Variants in IRS1 observed in about 807,000 individuals in gnomAD.
IRS1 encodes insulin receptor substrate 1.
IRS1 carries 34 observed loss-of-function variants against 65.6 expected under a neutral mutation model. The ratio of observed to expected loss-of-function variants is 0.52; its 90% CI spans 0.39 to 0.69. IRS1 has a LOEUF of 0.69. Among genes scored for constraint, IRS1 ranks in the 30% least tolerant of loss-of-function variants. IRS1 has a pLI of 0.00. For missense variants in IRS1, 1,641 were observed against 1,720.2 expected (o/e 0.95, Z 0.81); for synonymous variants, 699 against 683.5 (o/e 1.02, Z -0.35).
Position 226,798,571 on chromosome 2 carries a change from C to G in IRS1, c.168G>C (p.Lys56Asn), listed in dbSNP as rs780154777. 3 of 1,613,848 alleles carry G rather than the reference C, an allele frequency of 1.9e-6. No individual in the cohort carries two copies. Among genetic ancestry groups the G allele is most frequent in the Non-Finnish European group, 2.5e-6 (3 of 1,180,010 alleles). The change falls in exon 1 of 2, where the codon AAG (lysine) becomes AAC (asparagine). Residue 56 changes from lysine (K) to asparagine (N), a missense_variant. By Grantham distance (94) the Lys-to-Asn change is moderately conservative (BLOSUM62 0). Coordinates refer to ENST00000305123, the MANE Select transcript of IRS1 (RefSeq NM_005544.3). The surrounding 1 kb of genome is among the most constrained non-coding windows in gnomAD (Gnocchi z 9.4). ...YYENEKKWRH[K>N]SSAPKRSIPL... ...GGATCGAGCGTTTGGGGGCGCTCGA[C>G]TTGTGCCGCCACTTCTTCTCGTTCT...
Position 226,794,802 on chromosome 2 carries a change from T to C in IRS1, c.*21+187A>G, listed in dbSNP as rs1190060280. ...GAAAAAGCCCTCCTGTGGCTGCTCC[T>C]ACATGTTTGTTTGACTCTCTGCCAG... is the stretch of plus-strand genomic sequence containing the variant. On this transcript the variant is annotated intron_variant, in intron 1 of 1. Coordinates refer to ENST00000305123, the MANE Select transcript of IRS1 (RefSeq NM_005544.3). This position sits in a 1 kb window ranked among gnomAD's most constrained non-coding sequence, Gnocchi z 4.1. 1.3e-5 allele frequency among the ~76,000 whole-genome samples: 2 copies of C among 152,212 alleles called. No individual in the cohort carries two copies. The highest frequency in any genetic ancestry group is 2.9e-5 in the Non-Finnish European group (2 of 68,042).
chr2:226,744,435 G>T (rs1247709297), intron 1 of IRS1, among the ~76,000 whole-genome samples: 3 of 152,112 alleles, frequency 2.0e-5, no homozygotes, highest in Non-Finnish European at 4.4e-5. Flanking sequence ...TCTAATAGGG[G>T]CAAGCTCAAC....
chr2:226,798,238 G>A lies in IRS1; in HGVS notation c.501C>T (p.Ile167=). ...TCTGACCCAGGCCCTTGGGCTTCAG[G>A]ATCACTTGCCAGACCTCTTTGAATG... is the stretch of plus-strand genomic sequence containing the variant. ...GPAFKEVWQV[I]LKPKGLGQTK... Residue 167 remains isoleucine (I), a synonymous_variant, in exon 1 of 2, where the codon ATC becomes ATT. Transcript: ENST00000305123. The surrounding 1 kb of genome is among the most constrained non-coding windows in gnomAD (Gnocchi z 9.4). The A allele has an allele frequency of 6.2e-7, 1 of 1,613,700 alleles. No homozygotes were observed. The highest frequency in any genetic ancestry group is 8.5e-7 in the Non-Finnish European group (1 of 1,179,986).
chr2:226,797,298 C>A lies in IRS1; in HGVS notation c.1441G>T (p.Gly481Cys). 1.2e-6 allele frequency: 2 copies of A among 1,613,466 alleles called. No homozygotes were observed. The highest frequency in any genetic ancestry group is 1.7e-6 in the Non-Finnish European group (2 of 1,179,976). Residue 481 changes from glycine to cysteine, a missense_variant, in exon 1 of 2, where the codon GGT becomes TGT. By Grantham distance (159) the Gly-to-Cys change is radical. Coordinates refer to ENST00000305123, the MANE Select transcript of IRS1 (RefSeq NM_005544.3). The surrounding 1 kb of genome is among the most constrained non-coding windows in gnomAD (Gnocchi z 8.1). ...KGPSTLTAPN[G>C]HYILSRGGNG... ...CCACCCCGAGACAAAATGTAGTGAC[C>A]GTTGGGGGCGGTCAGGGTGGAGGGC...
In IRS1 at chr2:226,787,995, T is replaced by C. The variant is rs530590533; in HGVS notation, c.*21+6994A>G. On this transcript the variant is annotated intron_variant, in intron 1 of 1. Coordinates refer to ENST00000305123, the MANE Select transcript of IRS1 (RefSeq NM_005544.3). ...TCATGACTTTCTGTGCAAAACATAA[T>C]TTGTTTGCCACATTACATATATTCA... Among the ~76,000 whole-genome samples the C allele has an allele frequency of 7.9e-5, 12 of 152,090 alleles. No homozygotes were observed. The South Asian group carries it at 1.2e-3, about 16-fold the overall frequency.
At chr2:226,766,132 TATATATATATATATATATA>T (rs1939029262) in intron 1 of IRS1, among the ~76,000 whole-genome samples, 2 of 3,174 alleles carry the variant, frequency 6.3e-4, no homozygotes, top group Non-Finnish European at 1.8e-3. Context: ...TATATATATA[TATATATATATATATATATA>T]TATATATATA....
In IRS1 at chr2:226,797,961, T is replaced by C; in HGVS notation, c.778A>G (p.Met260Val). Residue 260 changes from methionine to valine, a missense_variant, in exon 1 of 2, where the codon ATG becomes GTG. By Grantham distance (21) the Met-to-Val change is conservative (BLOSUM62 1). This residue lies in a region of IRS1 where 1,324 missense variants were observed against 1,361.0 expected (regional missense o/e 0.97). Transcript: ENST00000305123. The surrounding 1 kb of genome is among the most constrained non-coding windows in gnomAD (Gnocchi z 8.1). ...CTGCGAGGGCGGAACTCATCACTCA[T>C]GGCCCGCATGGCCTCCAGGATGGTC... ...HETILEAMRA[M>V]SDEFRPRSKS... The C allele has an allele frequency of 6.2e-7, 1 of 1,614,094 alleles. No homozygotes were observed. The highest frequency in any genetic ancestry group is 8.5e-7 in the Non-Finnish European group (1 of 1,180,002).
rs186640433 is a variant in IRS1, at chr2:226,769,881, T to C, written c.*21+25108A>G. Among the ~76,000 whole-genome samples, 14 of 152,322 alleles carry C rather than the reference T, an allele frequency of 9.2e-5. No individual in the cohort carries two copies. In the East Asian group the frequency reaches 2.3e-3, roughly 25 times the overall value. On this transcript the variant is annotated intron_variant, in intron 1 of 1. Transcript: ENST00000305123. ...TGAGACATATCAGCCATTGATCGCC[T>C]TACTGCCATATAAAGTATGGCCGTT...
chr2:226,796,659 T>A lies in IRS1; in HGVS notation c.2080A>T (p.Ser694Cys), dbSNP rs1435564972. The change falls in exon 1 of 2, where the codon AGC becomes TGC. Residue 694 changes from serine (S) to cysteine (C), a missense_variant. Transcript: ENST00000305123. ...SSSNAVPSGT[S>C]YGKLWTNGVG... ...CCGTTTGTCCACAGCTTTCCATAGC[T>A]GGTCCCGGAAGGGACGGCGTTGCTG... is the stretch of plus-strand genomic sequence containing the variant. 1.2e-6 allele frequency: 2 copies of A among 1,613,814 alleles called. No individual in the cohort carries two copies. The highest frequency in any genetic ancestry group is 1.3e-5 in the African/African-American group (1 of 74,906).
In IRS1 at chr2:226,796,041, C is replaced by G; in HGVS notation, c.2698G>C (p.Glu900Gln). 6.2e-7 allele frequency: 1 copy of G among 1,614,148 alleles called. No homozygotes were observed. Among genetic ancestry groups the G allele is most frequent in the Non-Finnish European group, 8.5e-7 (1 of 1,180,040 alleles). The change falls in exon 1 of 2, where the codon GAA becomes CAA. Residue 900 changes from glutamate to glutamine, a missense_variant. Around this residue, in one of 3 missense-constraint regions of IRS1, gnomAD observed 1,324 missense variants for 1,361.0 expected, o/e 0.97. Transcript: ENST00000305123. ...TAGCCAGACTGATCACTCCCAAATT[C>G]AATATTGACATATTCCCCCGGGCTC... ...PKSPGEYVNI[E>Q]FGSDQSGYLS...
chr2:226,748,420 C>G (rs1292550026), intron 1 of IRS1, among the ~76,000 whole-genome samples: 10 of 130,758 alleles, frequency 7.6e-5, no homozygotes, highest in African/African-American at 2.9e-4. Context: ...CAGAGCGAGA[C>G]TCTGTCTCAA....
At chr2:226,789,289 C>G (rs1413028149) in intron 1 of IRS1, among the ~76,000 whole-genome samples, 1 of 152,090 alleles carries the variant, frequency 6.6e-6, no homozygotes. Flanking sequence ...TTGTGAAATC[C>G]ACATGGAGGG....
intron 1 of IRS1, among the ~76,000 whole-genome samples, chr2:226,757,781 AG>A (rs1291743571): frequency 6.6e-6 from 1 of 152,244 alleles, no homozygotes; most frequent in Non-Finnish European, 1.5e-5. Flanking sequence ...TCCCTCAAAA[AG>A]CCTTTTCCCT....
Position 226,799,723 on chromosome 2 carries a change from T to G in IRS1, c.-985A>C, listed in dbSNP as rs1939853761. On this transcript the variant is annotated 5_prime_UTR_variant, in exon 1 of 2. Transcript: ENST00000305123. The surrounding 1 kb of genome is among the most constrained non-coding windows in gnomAD (Gnocchi z 6.1). ...CCCAACCAAAACAAGCGGCGGCGTCTGGCTCTGCGCGCCGGCCCCCTCCGA... is the reference window on the plus strand; with the variant it reads ...CCCAACCAAAACAAGCGGCGGCGTCGGGCTCTGCGCGCCGGCCCCCTCCGA... 1 of 999,574 alleles carries G rather than the reference T, an allele frequency of 1.0e-6. No homozygotes were observed. The highest frequency in any genetic ancestry group is 1.7e-5 in the African/African-American group (1 of 57,218). 61.9% of individuals were successfully genotyped at this position (999,574 alleles called of 1,614,324 possible).
rs1409853110 is a variant in IRS1, at chr2:226,797,965, C to T, written c.774G>A (p.Arg258=). 1.2e-6 allele frequency: 2 copies of T among 1,614,128 alleles called. No homozygotes were observed. Among genetic ancestry groups the T allele is most frequent in the East Asian group, 2.2e-5 (1 of 44,866 alleles). ...NMHETILEAM[R]AMSDEFRPRS... ...GAGGGCGGAACTCATCACTCATGGC[C>T]CGCATGGCCTCCAGGATGGTCTCGT... Residue 258 remains arginine (R), a synonymous_variant, in exon 1 of 2, where the codon CGG becomes CGA. Transcript: ENST00000305123. The surrounding 1 kb of genome is among the most constrained non-coding windows in gnomAD (Gnocchi z 8.1).
chr2:226,749,020 T>C (rs1364959224), intron 1 of IRS1, among the ~76,000 whole-genome samples: 3 of 152,178 alleles, frequency 2.0e-5, no homozygotes, highest in Admixed American at 2.0e-4. Flanking sequence ...CTATTCTTTC[T>C]AGACCATAGC....
intron 1 of IRS1, among the ~76,000 whole-genome samples, chr2:226,746,324 G>C (rs1411759402): frequency 6.6e-6 from 1 of 152,100 alleles, no homozygotes; most frequent in African/African-American, 2.4e-5. Flanking sequence ...GGTGGCTTTT[G>C]TTTCCAAATT....
Position 226,795,118 on chromosome 2 carries a change from A to C in IRS1, c.3621T>G (p.Pro1207=). 2 of 185,904 alleles carry C rather than the reference A, an allele frequency of 1.1e-5. No individual in the cohort carries two copies. The highest frequency in any genetic ancestry group is 1.8e-5 in the Non-Finnish European group (2 of 113,000). 11.5% of individuals were successfully genotyped at this position (185,904 alleles called of 1,614,324 possible). The change falls in exon 1 of 2, where the codon CCT becomes CCG. Residue 1207 remains proline, a synonymous_variant. Transcript: ENST00000305123. The part of the protein sequence containing the change: ...PEPQPPPPPP[P]HQPLGSGESS... The stretch of plus-strand genomic sequence containing the variant: ...TCTCACCGCTGCCCAGGGGTTGATG[A>C]GGGGGTGGGGGTGGGGGAGGCTGCG...
chr2:226,786,785 TAAA>T (rs200340976), intron 1 of IRS1, among the ~76,000 whole-genome samples: 97 of 116,310 alleles, frequency 8.3e-4, no homozygotes, highest in African/African-American at 2.6e-3. Context: ...CTTGGTAGTC[TAAA>T]AAAAAAAAAA....
Sources: allele counts gnomAD v4.1 joint callset (sites outside exome capture counted in the v4.1 genomes callset), GRCh38; gene constraint gnomAD v4.1.1; regional missense constraint gnomAD v4.1.1; non-coding constraint Gnocchi (gnomAD v3.1); transcripts MANE v1.5; gene names NCBI Gene and HGNC (gene_info 2026-07-23, HGNC 2026-07-21).